RPS6KC1: variants seen among roughly 807,000 people sequenced by gnomAD.
RPS6KC1 encodes inactive ribosomal protein S6 kinase delta-1.
A neutral mutation model predicts 103.8 loss-of-function variants in RPS6KC1; 54 were observed. The observed-to-expected ratio is 0.52, with a 90% CI of 0.42 to 0.65. RPS6KC1 has a LOEUF of 0.65. RPS6KC1 is among the 30% of genes least tolerant of loss of function. The pLI is 0.00. For missense variants in RPS6KC1, 1,151 were observed against 1,253.8 expected (o/e 0.92, Z 1.24); for synonymous variants, 439 against 438.7 (o/e 1.00, Z -0.01).
chr1:213,358,745 G>A, the RPS6KC1 span, among the ~76,000 whole-genome samples: 12 of 151,996 alleles, frequency 7.9e-5, no homozygotes, highest in African/African-American at 2.9e-4. Flanking sequence ...CAGAGATTCT[G>A]GTATGTTGTG....
At chr1:213,602,060 T>TTCTTTCTTTCTTTCTCTTTCTTTCTTTC in the RPS6KC1 span, among the ~76,000 whole-genome samples, 2 of 47,242 alleles carry the variant, frequency 4.2e-5, no homozygotes, top group Non-Finnish European at 3.6e-5. Context: ...TTCTTTCTCT[T>TTCTTTCTTTCTTTCTCTTTCTTTCTTTC]TCTTTCTTTC....
intron 3 of RPS6KC1, among the ~76,000 whole-genome samples, chr1:213,090,279 C>A (rs763943585): frequency 9.2e-5 from 14 of 152,084 alleles, no homozygotes; most frequent in Admixed American, 7.2e-4. Context: ...AAGTAAGAAC[C>A]CTGCCTTGCC....
chr1:213,078,648 C>T (rs780718241), intron 3 of RPS6KC1, among the ~76,000 whole-genome samples: 10 of 152,162 alleles, frequency 6.6e-5, no homozygotes, highest in African/African-American at 9.7e-5. Context: ...GTGGTCCGCC[C>T]GCCTTGACCT....
chr1:213,258,900 C>A (rs1305420980), intron 12 of RPS6KC1, among the ~76,000 whole-genome samples: 1 of 152,126 alleles, frequency 6.6e-6, no homozygotes, highest in African/African-American at 2.4e-5. Flanking sequence ...GGAGGGGTAG[C>A]ATATGTACTT....
At chr1:213,162,207 G>A (rs1322550216) in intron 6 of RPS6KC1, among the ~76,000 whole-genome samples, 1 of 152,138 alleles carries the variant, frequency 6.6e-6, no homozygotes, top group Non-Finnish European at 1.5e-5. Context: ...TTAAGGGACT[G>A]CTATCATTAT....
At chr1:213,304,783 C>T in the RPS6KC1 span, among the ~76,000 whole-genome samples, 10 of 152,210 alleles carry the variant, frequency 6.6e-5, no homozygotes, top group South Asian at 8.3e-4. Flanking sequence ...TGAGGTGATC[C>T]GCCTGCCTTG....
At chr1:213,668,410 C>CACCCCT in the RPS6KC1 span, among the ~76,000 whole-genome samples, 1 of 137,722 alleles carries the variant, frequency 7.3e-6, no homozygotes, top group Non-Finnish European at 1.6e-5. Flanking sequence ...GCACCACCCC[C>CACCCCT]ACCCCCACCC....
the RPS6KC1 span, among the ~76,000 whole-genome samples, chr1:213,778,880 T>C: frequency 6.6e-6 from 1 of 152,084 alleles, no homozygotes; most frequent in African/African-American, 2.4e-5. Context: ...CCCACCAGGC[T>C]TCCACCCCAC....
chr1:213,280,020 G>GCCTGATCATGGGCATCCTAC, the RPS6KC1 span, among the ~76,000 whole-genome samples: 1 of 152,130 alleles, frequency 6.6e-6, no homozygotes, highest in East Asian at 1.9e-4. Flanking sequence ...CCTCTGCCTT[G>GCCTGATCATGGGCATCCTAC]CCTGATCATG....
At chr1:213,247,831 G>C (rs997411504) in intron 12 of RPS6KC1, among the ~76,000 whole-genome samples, 3 of 152,084 alleles carry the variant, frequency 2.0e-5, no homozygotes, top group Non-Finnish European at 2.9e-5. Flanking sequence ...GGTAAATATT[G>C]ATTTCTTATC....
chr1:213,613,613 C>G, the RPS6KC1 span, among the ~76,000 whole-genome samples: 4 of 152,228 alleles, frequency 2.6e-5, no homozygotes, highest in Non-Finnish European at 4.4e-5. Context: ...CCTCTCCTTT[C>G]TTAAGCTTCT....
the RPS6KC1 span, among the ~76,000 whole-genome samples, chr1:213,826,250 A>T: frequency 6.6e-6 from 1 of 152,218 alleles, no homozygotes; most frequent in Admixed American, 6.5e-5. Flanking sequence ...TGTTCATTTC[A>T]ATGTTGACAA....
the RPS6KC1 span, among the ~76,000 whole-genome samples, chr1:213,495,917 TATAAC>T: frequency 6.6e-6 from 1 of 152,080 alleles, no homozygotes; most frequent in Non-Finnish European, 1.5e-5. Context: ...ACTTGGATAA[TATAAC>T]CAAATACCAA....
chr1:213,416,552 G>A, the RPS6KC1 span, among the ~76,000 whole-genome samples: 6 of 152,296 alleles, frequency 3.9e-5, no homozygotes, highest in East Asian at 3.9e-4. Flanking sequence ...GTGGTAAGCC[G>A]GGGCTGGGCT....
the RPS6KC1 span, among the ~76,000 whole-genome samples, chr1:213,422,203 T>G: frequency 0.13 from 19,226 of 152,266 alleles, 1,583 homozygotes; most frequent in Non-Finnish European, 0.18. Context: ...CTCATCTCTA[T>G]GAATTTAACT....
the RPS6KC1 span, among the ~76,000 whole-genome samples, chr1:213,511,140 A>G: frequency 1.3e-5 from 2 of 152,124 alleles, no homozygotes; most frequent in Non-Finnish European, 2.9e-5. Flanking sequence ...CTTGTATAAG[A>G]TTAGTAAATC....
the RPS6KC1 span, among the ~76,000 whole-genome samples, chr1:213,755,009 CAAGTT>C: frequency 2.0e-5 from 3 of 152,120 alleles, no homozygotes; most frequent in Non-Finnish European, 4.4e-5. Context: ...CTTGTGTACT[CAAGTT>C]AAGTGATAGA....
chr1:213,237,449 T>C (rs2094247016), intron 10 of RPS6KC1, among the ~76,000 whole-genome samples: 1 of 152,116 alleles, frequency 6.6e-6, no homozygotes, highest in Non-Finnish European at 1.5e-5. Context: ...TGCAAATGGC[T>C]ATTATTAATT....
chr1:213,653,036 A>G, the RPS6KC1 span, among the ~76,000 whole-genome samples: 1 of 152,224 alleles, frequency 6.6e-6, no homozygotes, highest in Non-Finnish European at 1.5e-5. Flanking sequence ...TATTGGCTGA[A>G]TGAATAAACA....
Sources: allele counts gnomAD v4.1 joint callset (sites outside exome capture counted in the v4.1 genomes callset), GRCh38; gene constraint gnomAD v4.1.1; transcripts MANE v1.5; gene names NCBI Gene and HGNC (gene_info 2026-07-23, HGNC 2026-07-21).